Variants in PCBP2 observed in about 807,000 individuals in gnomAD.
The protein encoded by PCBP2 is poly(rC) binding protein 2, also known as poly(rC)-binding protein 2.
A neutral mutation model predicts 50.1 loss-of-function variants in PCBP2; 4 were observed. That is an observed-to-expected ratio of 0.08 (90% CI 0.04 to 0.18). The LOEUF is 0.18. PCBP2 is among the 10% of genes least tolerant of loss of function. The probability of loss-of-function intolerance (pLI) is 1.00; values close to 1 mark genes in which losing one functional copy is unlikely to be tolerated. For missense variants in PCBP2, 161 were observed against 474.3 expected, an observed-to-expected ratio of 0.34 and a Z score of 6.14; for synonymous variants, 179 against 168.0, an observed-to-expected ratio of 1.07 and a Z score of -0.51.
At position 53,471,304 on chromosome 12, in the gene PCBP2, G is replaced by C. The variant is rs188650224; in HGVS notation, c.883-334G>C. Among the ~76,000 whole-genome samples the C allele has an allele frequency of 9.9e-5, 15 of 151,278 alleles. 1 individual carries two copies. In the East Asian group the frequency reaches 2.9e-3, roughly 29 times the overall value. Reference sequence around the variant, plus strand: ...TTTTTTTTTTTTTTTAAAGGGCCAGGTTCGGTGGCTTATACCTGTAATCCC... The same window carrying C: ...TTTTTTTTTTTTTTTAAAGGGCCAGCTTCGGTGGCTTATACCTGTAATCCC... On this transcript the variant is annotated intron_variant, in intron 13 of 14. Coordinates refer to ENST00000546463, the MANE Select transcript of PCBP2 (RefSeq NM_031989.5).
chr12:53,481,069 C>T lies in PCBP2; in HGVS notation c.*1627C>T, dbSNP rs375190621. The T allele has an allele frequency of 6.9e-5, 26 of 377,620 alleles. No homozygotes were observed. The highest frequency in any genetic ancestry group is 2.5e-4 in the East Asian group (3 of 11,858). The allele number at this position is 377,620 out of a possible 1,614,324, so 23.4% of individuals were successfully genotyped here. A position where few individuals can be genotyped will look rare whatever the true frequency, so the allele number is the denominator to read the frequency against. On this transcript the variant is annotated 3_prime_UTR_variant, in exon 15 of 15. Transcript: ENST00000546463. ...ATCAGTCTCCCTCGAGCCTGACTTA[C>T]GGCTGGGACAGCCCCATCTTTCTGT...
Position 53,479,671 on chromosome 12 carries a change from GT to G in PCBP2, c.*241del. On this transcript the variant is annotated 3_prime_UTR_variant, in exon 15 of 15. Transcript: ENST00000546463. ...ATTTAGTTTTATAAGCTTCTCCCTG[GT>G]TTTTTTTTTTTGGCTCATGAATTTT... 4.0e-5 allele frequency: 8 copies of G among 202,216 alleles called. No individual in the cohort carries two copies. Among genetic ancestry groups the G allele is most frequent in the East Asian group, 8.5e-5 (1 of 11,742 alleles). 12.5% of individuals were successfully genotyped at this position (202,216 alleles called of 1,614,324 possible). A position where few individuals can be genotyped will look rare whatever the true frequency, so the allele number is the denominator to read the frequency against.
chr12:53,459,784 C>T (rs745363597), intron 6 of PCBP2: 3 of 392,560 alleles, frequency 7.6e-6, no homozygotes. Flanking sequence ...GACACGGTCT[C>T]ACTCTGTCTC....
chr12:53,465,101 C>G (rs971183950), intron 9 of PCBP2: 1 of 357,246 alleles, frequency 2.8e-6, no homozygotes, highest in African/African-American at 2.1e-5. Flanking sequence ...CCCACTCCTC[C>G]CACCCCATTT....
At chr12:53,456,822 C>A (rs1239038582) in intron 5 of PCBP2, among the ~76,000 whole-genome samples, 1 of 152,116 alleles carries the variant, frequency 6.6e-6, no homozygotes, top group Non-Finnish European at 1.5e-5. Flanking sequence ...TCCCTCTCTC[C>A]CTTCTGCATT....
intron 13 of PCBP2, among the ~76,000 whole-genome samples, chr12:53,470,572 CTT>C (rs901870735): frequency 6.6e-6 from 1 of 151,246 alleles, no homozygotes; most frequent in African/African-American, 2.4e-5. Flanking sequence ...CCCTGGCTAA[CTT>C]TTTTTGTATT....
At chr12:53,470,676 C>A (rs181738758) in intron 13 of PCBP2, among the ~76,000 whole-genome samples, 2 of 151,838 alleles carry the variant, frequency 1.3e-5, no homozygotes, top group Non-Finnish European at 2.9e-5. Context: ...GGTCCCCCAC[C>A]ATAGTGTAGT....
At chr12:53,454,044 G>C (rs1940798208) in intron 1 of PCBP2, among the ~76,000 whole-genome samples, 2 of 152,186 alleles carry the variant, frequency 1.3e-5, no homozygotes, top group African/African-American at 4.8e-5. Context: ...GTAACAAGTT[G>C]GGTTGGAAGG....
intron 11 of PCBP2, chr12:53,467,556 A>T: frequency 1.6e-6 from 1 of 614,628 alleles, no homozygotes; most frequent in Non-Finnish European, 2.9e-6. Context: ...GGCAAAGGGT[A>T]GGCTGATATT....
In PCBP2 at chr12:53,470,011, G is replaced by A. The variant is rs539314883; in HGVS notation, c.882+1179G>A. On this transcript the variant is annotated intron_variant, in intron 13 of 14. Transcript: ENST00000546463. ...TCCCCCCCCTTCAGCCTCCCAAAGC[G>A]TTGGGATTACAGGTGTGAGCCACTG... 2.8e-3 allele frequency among the ~76,000 whole-genome samples: 422 copies of A among 151,942 alleles called. 4 individuals carry two copies. The highest frequency in any genetic ancestry group is 3.1e-3 in the Non-Finnish European group (211 of 67,978).
intron 14 of PCBP2, among the ~76,000 whole-genome samples, chr12:53,479,024 T>C (rs1429217973): frequency 6.6e-6 from 1 of 152,152 alleles, no homozygotes; most frequent in Non-Finnish European, 1.5e-5. Context: ...TGGTATTCTG[T>C]CAGCAGTTTG....
intron 5 of PCBP2, among the ~76,000 whole-genome samples, chr12:53,457,196 G>A (rs987341879): frequency 6.6e-6 from 1 of 151,998 alleles, no homozygotes; most frequent in Non-Finnish European, 1.5e-5. Flanking sequence ...ACAGGTGCAT[G>A]CCACCCTGCC....
intron 14 of PCBP2, chr12:53,475,404 G>T: frequency 3.0e-6 from 1 of 332,982 alleles, no homozygotes; most frequent in Non-Finnish European, 5.9e-6. Flanking sequence ...CTGAGTGCCT[G>T]TTTCAGGGTC....
At chr12:53,460,695 T>TA (rs1287479165) in intron 6 of PCBP2, 45 of 253,446 alleles carry the variant, frequency 1.8e-4, no homozygotes, top group Non-Finnish European at 1.6e-5. Flanking sequence ...AGGTGGGTGA[T>TA]ACTTGTGGGG....
In PCBP2 at chr12:53,481,107, G is replaced by T; in HGVS notation, c.*1665G>T. The T allele has an allele frequency of 3.3e-6, 2 of 603,894 alleles. No homozygotes were observed. Among genetic ancestry groups the T allele is most frequent in the Non-Finnish European group, 4.5e-6 (2 of 447,384 alleles). The allele number at this position is 603,894 out of a possible 1,614,324, so 37.4% of individuals were successfully genotyped here. A position where few individuals can be genotyped will look rare whatever the true frequency, so the allele number is the denominator to read the frequency against. On this transcript the variant is annotated 3_prime_UTR_variant, in exon 15 of 15. Coordinates refer to ENST00000546463, the MANE Select transcript of PCBP2 (RefSeq NM_031989.5). ...CCCATCTTTCTGTTGATTATGTGGC[G>T]CATATATATATATATATGTATATAT...
intron 8 of PCBP2, among the ~76,000 whole-genome samples, chr12:53,462,789 T>A (rs979661387): frequency 2.6e-5 from 4 of 152,174 alleles, no homozygotes; most frequent in African/African-American, 9.6e-5. Flanking sequence ...GTAACTTACT[T>A]GTGGGTTGGG....
At chr12:53,454,969 G>A (rs1279514203) in intron 2 of PCBP2, 100 bp downstream of exon 2, 1 of 992,446 alleles carries the variant, frequency 1.0e-6, no homozygotes, top group Non-Finnish European at 1.6e-6. Flanking sequence ...GCACTGTGGG[G>A]CATCTGGCTT....
At chr12:53,460,895 A>G in intron 6 of PCBP2, 120 bp from the exon 7 acceptor site, 1 of 1,110,958 alleles carries the variant, frequency 9.0e-7, no homozygotes, top group Non-Finnish European at 1.3e-6. Flanking sequence ...AAAGAACAAA[A>G]AGGGAAGATT....
At chr12:53,479,374 AAACT>A (rs764579457) in intron 14 of PCBP2, 28 bp from the exon 15 acceptor site, 7 of 1,610,068 alleles carry the variant, frequency 4.3e-6, no homozygotes, top group Admixed American at 3.3e-5. Flanking sequence ...AGCACTGGGG[AAACT>A]AACTGAGTTC....
Sources: gnomAD v4.1 joint callset for allele counts (sites outside exome capture counted in the v4.1 genomes callset) on GRCh38, gnomAD v4.1.1 for gene constraint, MANE v1.5 for transcripts, NCBI Gene and HGNC (gene_info 2026-07-23, HGNC 2026-07-21) for gene names.